RHOH: variants seen among roughly 807,000 people sequenced by gnomAD.
RHOH encodes rho-related GTP-binding protein RhoH.
In RHOH, 6 loss-of-function variants were observed where a neutral mutation model predicts 13.8. The ratio of observed to expected loss-of-function variants is 0.44; its 90% CI spans 0.24 to 0.86. The LOEUF (loss-of-function observed/expected upper bound fraction) is 0.86, where lower values mean the gene tolerates loss of function less well. Ranked by LOEUF, RHOH falls within the 40% of genes least tolerant of loss-of-function variation. The pLI, the probability that RHOH is intolerant of heterozygous loss-of-function variation, is 0.24. For missense variants in RHOH, 147 were observed against 244.5 expected, an observed-to-expected ratio of 0.60 and a Z score of 2.66; for synonymous variants, 117 against 103.0, an observed-to-expected ratio of 1.14 and a Z score of -0.82.
At chr4:40,193,410 A>G (rs1722807650), upstream of RHOH, among the ~76,000 whole-genome samples, 1 of 143,312 alleles carries the variant, frequency 7.0e-6, no homozygotes, top group South Asian at 2.2e-4. Context: ...GTTTGCATGT[A>G]TTTTCAGCGT....
chr4:40,236,821 C>T (rs984822766), intron 1 of RHOH, among the ~76,000 whole-genome samples: 5 of 151,480 alleles, frequency 3.3e-5, no homozygotes, highest in Admixed American at 6.6e-5. Flanking sequence ...CTATACCTTA[C>T]GTATATAAAG....
chr4:40,201,231 A>T (rs534346276), intron 1 of RHOH, among the ~76,000 whole-genome samples: 4 of 152,212 alleles, frequency 2.6e-5, no homozygotes, highest in Admixed American at 1.3e-4. Context: ...CAACCCGGAC[A>T]GGTGTTAGAT....
intron 1 of RHOH, among the ~76,000 whole-genome samples, chr4:40,211,306 C>A (rs1264723761): frequency 1.3e-5 from 2 of 152,090 alleles, no homozygotes; most frequent in African/African-American, 4.8e-5. Flanking sequence ...CTCTTTCTCA[C>A]CGAGGCCAGA....
At position 40,223,643 on chromosome 4, in the gene RHOH, T is replaced by A. The variant is rs566045985; in HGVS notation, c.-330-19071T>A. Among the ~76,000 whole-genome samples, 757 of 151,866 alleles carry A rather than the reference T, an allele frequency of 5.0e-3. 6 individuals are homozygous for A. Among genetic ancestry groups the A allele is most frequent in the African/African-American group, 0.017 (685 of 41,382 alleles). Reference sequence around the variant, plus strand: ...CCATACCTGGCTAATTAAAAAAAAATTTTTATCTAGACAGAGTCCCATTGT... The same window carrying A: ...CCATACCTGGCTAATTAAAAAAAAAATTTTATCTAGACAGAGTCCCATTGT... On this transcript the variant is annotated intron_variant, in intron 1 of 2. Transcript: ENST00000381799.
upstream of RHOH, among the ~76,000 whole-genome samples, chr4:40,194,097 C>A (rs922961571): frequency 6.6e-6 from 1 of 152,190 alleles, no homozygotes; most frequent in African/African-American, 2.4e-5. Flanking sequence ...TTAAAGGACA[C>A]TGGATCTCCT....
intron 1 of RHOH, among the ~76,000 whole-genome samples, chr4:40,233,077 T>C (rs1413422356): frequency 6.6e-6 from 1 of 152,210 alleles, no homozygotes; most frequent in African/African-American, 2.4e-5. Flanking sequence ...CTCAGAACCA[T>C]CTTACGACAA....
intron 1 of RHOH, among the ~76,000 whole-genome samples, chr4:40,206,635 A>C (rs1386486465): frequency 6.6e-6 from 1 of 152,308 alleles, no homozygotes; most frequent in East Asian, 1.9e-4. Flanking sequence ...TCATGTGATA[A>C]GGAAGTAGGA....
In RHOH at chr4:40,243,432, G is replaced by C. The variant is rs1420049123; in HGVS notation, c.46G>C (p.Gly16Arg). The stretch of plus-strand genomic sequence containing the variant: ...CGTGTTGGTGGGCGACTCTGCTGTG[G>C]GGAAAACCTCTCTGTTGGTGCGCTT... ...KCVLVGDSAV[G>R]KTSLLVRFTS... The change falls in exon 3 of 3, where the codon GGG becomes CGG. Residue 16 changes from glycine to arginine, a missense_variant. Physicochemically the swap from Gly to Arg is moderately radical, Grantham distance 125. Around this residue, in one of 3 missense-constraint regions of RHOH, gnomAD observed 80 missense variants for 152.0 expected, o/e 0.53. Transcript: ENST00000381799. The surrounding 1 kb of genome is among the most constrained non-coding windows in gnomAD (Gnocchi z 6.2). The C allele has an allele frequency of 1.2e-6, 2 of 1,611,400 alleles. No homozygotes were observed.
At chr4:40,229,186 C>T (rs1299076430) in intron 1 of RHOH, among the ~76,000 whole-genome samples, 1 of 152,192 alleles carries the variant, frequency 6.6e-6, no homozygotes, top group Non-Finnish European at 1.5e-5. Flanking sequence ...ATCCCTCCAC[C>T]AGGAGGCAGG....
At position 40,237,713 on chromosome 4, in the gene RHOH, A is replaced by T. The variant is rs79400003; in HGVS notation, c.-330-5001A>T. Among the ~76,000 whole-genome samples, 870 of 152,298 alleles carry T rather than the reference A, an allele frequency of 5.7e-3. 22 individuals carry two copies. The highest frequency in any genetic ancestry group is 0.046 in the East Asian group (239 of 5,184). On this transcript the variant is annotated intron_variant, in intron 1 of 2. Transcript: ENST00000381799. ...CTACCAGCACAGGTCCTTTGTCCAA[A>T]GCTCCTTGAGGAGGATGACATTTAG...
At chr4:40,229,364 G>A (rs1337808257) in intron 1 of RHOH, among the ~76,000 whole-genome samples, 3 of 152,016 alleles carry the variant, frequency 2.0e-5, no homozygotes, top group Admixed American at 1.3e-4. Context: ...GACCTGGCGC[G>A]GTGGCTCACA....
intron 1 of RHOH, among the ~76,000 whole-genome samples, chr4:40,221,488 C>G (rs1341931331): frequency 6.6e-6 from 1 of 152,172 alleles, no homozygotes; most frequent in Non-Finnish European, 1.5e-5. Flanking sequence ...CAAAATAATT[C>G]AAACGTTTTC....
At chr4:40,231,200 A>C (rs910025816) in intron 1 of RHOH, among the ~76,000 whole-genome samples, 1 of 151,884 alleles carries the variant, frequency 6.6e-6, no homozygotes, top group Non-Finnish European at 1.5e-5. Context: ...CCTGCTTTCC[A>C]CCCATTTAGC....
intron 1 of RHOH, among the ~76,000 whole-genome samples, chr4:40,239,924 T>C (rs1242238386): frequency 6.6e-6 from 1 of 152,068 alleles, no homozygotes; most frequent in Non-Finnish European, 1.5e-5. Context: ...TAAGCACACT[T>C]AATACTCTCA....
At chr4:40,239,950 GAT>G (rs1398773138) in intron 1 of RHOH, among the ~76,000 whole-genome samples, 5 of 152,098 alleles carry the variant, frequency 3.3e-5, no homozygotes, top group African/African-American at 1.2e-4. Context: ...CTGTGATACA[GAT>G]ATAATATTAT....
intron 1 of RHOH, among the ~76,000 whole-genome samples, chr4:40,231,265 G>C (rs983498040): frequency 6.7e-6 from 1 of 150,126 alleles, no homozygotes; most frequent in African/African-American, 2.5e-5. Flanking sequence ...TATGTTAATG[G>C]ATTTCAATAT....
At chr4:40,200,121 G>A (rs1179418956) in intron 1 of RHOH, among the ~76,000 whole-genome samples, 3 of 152,132 alleles carry the variant, frequency 2.0e-5, no homozygotes, top group Non-Finnish European at 4.4e-5. Context: ...GGGCTGGGGT[G>A]GGCTGTGAGA....
intron 1 of RHOH, among the ~76,000 whole-genome samples, chr4:40,201,055 T>A (rs1723908550): frequency 6.6e-6 from 1 of 152,190 alleles, no homozygotes; most frequent in Non-Finnish European, 1.5e-5. Flanking sequence ...AAGAGAGTGG[T>A]TAAGAAACAG....
chr4:40,194,459 C>A (rs954503610), upstream of RHOH, among the ~76,000 whole-genome samples: 1 of 152,100 alleles, frequency 6.6e-6, no homozygotes, highest in African/African-American at 2.4e-5. Context: ...GAACTCCTGA[C>A]CTCAAGCGAT....
Sources: gnomAD v4.1 joint callset for allele counts (sites outside exome capture counted in the v4.1 genomes callset) on GRCh38, gnomAD v4.1.1 for gene constraint, gnomAD v4.1.1 regional missense constraint, Gnocchi (gnomAD v3.1) non-coding constraint, MANE v1.5 for transcripts, NCBI Gene and HGNC (gene_info 2026-07-23, HGNC 2026-07-21) for gene names.